SNX5: variants seen among roughly 807,000 people sequenced by gnomAD.
SNX5 encodes the protein sorting nexin 5, also known as sorting nexin-5.
Under a neutral mutation model 53.9 loss-of-function variants are expected in SNX5, and 31 were observed. The observed-to-expected ratio is 0.58, with a 90% CI of 0.43 to 0.78. The LOEUF is 0.78. Ranked by LOEUF, SNX5 falls within the 30% of genes least tolerant of loss-of-function variation. The pLI is 0.00. For synonymous variants in SNX5, 168 were observed against 171.1 expected, an observed-to-expected ratio of 0.98 and a Z score of 0.14; for missense variants, 471 against 478.8, an observed-to-expected ratio of 0.98 and a Z score of 0.15.
chr20:17,963,671 T>C (rs2035493212), intron 1 of SNX5, among the ~76,000 whole-genome samples: 1 of 152,182 alleles, frequency 6.6e-6, no homozygotes, highest in African/African-American at 2.4e-5. Context: ...AGATGGTCCA[T>C]ATTACTCATG....
intron 3 of SNX5, among the ~76,000 whole-genome samples, chr20:17,954,623 A>G (rs776668116): frequency 6.6e-6 from 1 of 152,242 alleles, no homozygotes; most frequent in Non-Finnish European, 1.5e-5. Flanking sequence ...TGGCAGGACA[A>G]AACGCGTGGA....
chr20:17,955,177 A>G (rs1398486808), intron 3 of SNX5, among the ~76,000 whole-genome samples, 188 bp downstream of exon 3: 5 of 152,220 alleles, frequency 3.3e-5, no homozygotes, highest in African/African-American at 1.2e-4. Flanking sequence ...GTAAGCCTGT[A>G]TGCACCACCT....
chr20:17,947,365 G>A (rs1043819972), intron 11 of SNX5, 121 bp downstream of exon 11: 143 of 1,028,316 alleles, frequency 1.4e-4, no homozygotes, highest in Non-Finnish European at 1.3e-4. Context: ...ATAAGGCAGA[G>A]GGGTGAAGTG....
At position 17,950,115 on chromosome 20, in the gene SNX5, T is replaced by C; in HGVS notation, c.791+17A>G. On this transcript the variant is annotated intron_variant, in intron 8 of 12. Transcript: ENST00000377759. ...CTTCAATTGGGTTAGGGGAAATGCT[T>C]TTCCAAAAAAACTTACTTTTTGATG... 4 of 1,612,880 alleles carry C rather than the reference T, an allele frequency of 2.5e-6. No individual in the cohort carries two copies. Among genetic ancestry groups the C allele is most frequent in the Non-Finnish European group, 3.4e-6 (4 of 1,178,880 alleles).
intron 1 of SNX5, among the ~76,000 whole-genome samples, chr20:17,966,990 T>C (rs896713160): frequency 6.6e-5 from 10 of 152,190 alleles, no homozygotes; most frequent in African/African-American, 2.2e-4. Context: ...AACAATGTCA[T>C]GTAACTCTCT....
At chr20:17,960,785 A>C (rs955206275) in intron 1 of SNX5, among the ~76,000 whole-genome samples, 7 of 151,888 alleles carry the variant, frequency 4.6e-5, no homozygotes, top group African/African-American at 1.7e-4. Context: ...AAAAAAAAAA[A>C]AAACTACACA....
chr20:17,965,152 TAG>T (rs2122429686), intron 1 of SNX5, among the ~76,000 whole-genome samples: 1 of 152,336 alleles, frequency 6.6e-6, no homozygotes, highest in Non-Finnish European at 1.5e-5. Context: ...CACACCATTT[TAG>T]AAGGAAGTCC....
intron 2 of SNX5, among the ~76,000 whole-genome samples, chr20:17,955,795 T>C (rs796703820): frequency 6.6e-5 from 10 of 152,312 alleles, no homozygotes; most frequent in African/African-American, 2.4e-4. Flanking sequence ...TTTTTGTTTA[T>C]ATACATTTTT....
intron 1 of SNX5, chr20:17,962,984 A>T (rs536198144): frequency 5.7e-5 from 27 of 471,984 alleles, no homozygotes; most frequent in African/African-American, 5.1e-4. Flanking sequence ...ATCAACATGG[A>T]ACCAGAGTTA....
At chr20:17,955,538 T>G (rs1366998108) in intron 2 of SNX5, 63 bp from the exon 3 acceptor site, 4 of 1,148,722 alleles carry the variant, frequency 3.5e-6, no homozygotes, top group South Asian at 1.3e-5. Flanking sequence ...CTGGGTTTCC[T>G]AGGCTACACA....
chr20:17,961,339 A>G (rs576631755), intron 1 of SNX5: 74 of 985,464 alleles, frequency 7.5e-5, no homozygotes, highest in African/African-American at 2.1e-4. Flanking sequence ...GAACAACACA[A>G]AAGGCAAGAT....
intron 1 of SNX5, chr20:17,961,973 T>C (rs2328231): frequency 0.29 from 276,045 of 964,582 alleles, 40,932 homozygotes; most frequent in East Asian, 0.43. Context: ...TGTCCACAAA[T>C]ATTAAAGATT....
intron 1 of SNX5, among the ~76,000 whole-genome samples, chr20:17,963,264 G>A (rs753064015): frequency 1.1e-4 from 17 of 152,204 alleles, no homozygotes; most frequent in Non-Finnish European, 1.6e-4. Flanking sequence ...AGGATCGCCC[G>A]CGGCCAGGAG....
intron 12 of SNX5, 30 bp from the exon 13 acceptor site, chr20:17,942,437 T>G (rs2039430612): frequency 6.4e-7 from 1 of 1,573,644 alleles, no homozygotes; most frequent in Non-Finnish European, 8.7e-7. Context: ...GGCAGACCAG[T>G]GAATTATTAA....
At chr20:17,948,011 T>C (rs1321488625) in intron 10 of SNX5, among the ~76,000 whole-genome samples, 1 of 152,252 alleles carries the variant, frequency 6.6e-6, no homozygotes, top group Non-Finnish European at 1.5e-5. Flanking sequence ...AAAATACAAC[T>C]GGGCAATGAA....
At chr20:17,960,463 G>C (rs184066855) in intron 1 of SNX5, among the ~76,000 whole-genome samples, 7 of 152,146 alleles carry the variant, frequency 4.6e-5, no homozygotes, top group Non-Finnish European at 8.8e-5. Context: ...GCATGGTGGC[G>C]CACATCTGTA....
At chr20:17,943,693 A>G in intron 11 of SNX5, 1 of 155,080 alleles carries the variant, frequency 6.4e-6, no homozygotes, top group Admixed American at 6.4e-5. Flanking sequence ...TTTCTCAAAT[A>G]GATGAAAGAT....
At chr20:17,953,032 A>G (rs2039591731) in intron 4 of SNX5, among the ~76,000 whole-genome samples, 1 of 152,236 alleles carries the variant, frequency 6.6e-6, no homozygotes, top group African/African-American at 2.4e-5. Context: ...GAACCCTTTA[A>G]CTGCAGCCTA....
rs929128329 is a variant in SNX5 at position 17,964,042 on chromosome 20, C to T, written c.51+4333G>A. ...CTCAGGAGTTCGATACCAGCTTGGG[C>T]AACACAGCAAGACTGTCTTGAGAAA... On this transcript the variant is annotated intron_variant, in intron 1 of 12. Transcript: ENST00000377759. 2.0e-5 allele frequency among the ~76,000 whole-genome samples: 3 copies of T among 152,168 alleles called. No individual in the cohort carries two copies. The East Asian group carries it at 5.8e-4, about 29-fold the overall frequency.
Sources: gnomAD v4.1 joint callset for allele counts (sites outside exome capture counted in the v4.1 genomes callset) on GRCh38, gnomAD v4.1.1 for gene constraint, MANE v1.5 for transcripts, NCBI Gene and HGNC (gene_info 2026-07-23, HGNC 2026-07-21) for gene names.